The following FMNL2 variants were observed in gnomAD, a reference collection of about 807,000 sequenced individuals.
FMNL2 encodes formin-like protein 2.
FMNL2 carries 51 observed loss-of-function variants against 130.2 expected under a neutral mutation model. The ratio of observed to expected loss-of-function variants is 0.39; its 90% CI spans 0.31 to 0.49. The LOEUF (loss-of-function observed/expected upper bound fraction) is 0.49, where lower values mean the gene tolerates loss of function less well. Ranked by LOEUF, FMNL2 falls within the 20% of genes least tolerant of loss-of-function variation. The pLI is 0.85. For synonymous variants in FMNL2, 465 were observed against 467.1 expected, an observed-to-expected ratio of 1.00 and a Z score of 0.06; for missense variants, 977 against 1,316.2, an observed-to-expected ratio of 0.74 and a Z score of 3.99.
intron 1 of FMNL2, among the ~76,000 whole-genome samples, chr2:152,444,116 TA>T: frequency 6.6e-6 from 1 of 152,134 alleles, no homozygotes; most frequent in African/African-American, 2.4e-5. Flanking sequence ...ACTGACTATT[TA>T]AGCAGTAAGT....
At chr2:152,458,835 A>G (rs1272187586) in intron 1 of FMNL2, among the ~76,000 whole-genome samples, 1 of 152,186 alleles carries the variant, frequency 6.6e-6, no homozygotes. Flanking sequence ...GGTGGAGGTT[A>G]TTATATTTCT....
At chr2:152,468,433 GAAC>G (rs1457781300) in intron 1 of FMNL2, among the ~76,000 whole-genome samples, 1 of 152,036 alleles carries the variant, frequency 6.6e-6, no homozygotes, top group Non-Finnish European at 1.5e-5. Context: ...TCTGTATTTG[GAAC>G]AACTTGGGTA....
chr2:152,436,667 C>T (rs780578957), intron 1 of FMNL2, among the ~76,000 whole-genome samples: 2 of 152,116 alleles, frequency 1.3e-5, no homozygotes. Context: ...TCCATTTTGC[C>T]ACCTTTGCCT....
chr2:152,469,960 C>T (rs1689766729), intron 1 of FMNL2, among the ~76,000 whole-genome samples: 2 of 152,114 alleles, frequency 1.3e-5, no homozygotes, highest in Admixed American at 1.3e-4. Context: ...AACTGAAACA[C>T]TGCATTTATT....
At chr2:152,507,511 A>G (rs1000597497) in intron 1 of FMNL2, among the ~76,000 whole-genome samples, 1 of 152,210 alleles carries the variant, frequency 6.6e-6, no homozygotes, top group East Asian at 1.9e-4. Context: ...AGCTTCTTCT[A>G]TCAGGCTCCT....
chr2:152,550,025 T>A (rs1694849480), intron 4 of FMNL2, among the ~76,000 whole-genome samples: 2 of 152,232 alleles, frequency 1.3e-5, no homozygotes, highest in African/African-American at 4.8e-5. Flanking sequence ...TGCTGTAACA[T>A]ACAGTAAGTT....
chr2:152,401,054 G>A (rs1685666815), intron 1 of FMNL2, among the ~76,000 whole-genome samples: 1 of 152,200 alleles, frequency 6.6e-6, no homozygotes, highest in African/African-American at 2.4e-5. Flanking sequence ...ATTATCCTGT[G>A]AAACAGTTTC....
intron 9 of FMNL2, among the ~76,000 whole-genome samples, chr2:152,582,363 C>T (rs377550671): frequency 1.4e-4 from 21 of 152,246 alleles, no homozygotes; most frequent in African/African-American, 5.1e-4. Flanking sequence ...TGGGAAGCTT[C>T]AAAGATGTGA....
At chr2:152,516,132 T>G (rs1342082231) in intron 1 of FMNL2, among the ~76,000 whole-genome samples, 1 of 152,144 alleles carries the variant, frequency 6.6e-6, no homozygotes, top group East Asian at 1.9e-4. Context: ...CGACAAGTAA[T>G]GGCTCCGGGG....
intron 1 of FMNL2, among the ~76,000 whole-genome samples, chr2:152,371,297 T>C (rs1683858881): frequency 1.3e-5 from 2 of 152,210 alleles, no homozygotes; most frequent in South Asian, 2.1e-4. Context: ...GGACACTTGA[T>C]TGGCTTTTTA....
chr2:152,520,173 A>T (rs1026563133), intron 1 of FMNL2, among the ~76,000 whole-genome samples: 1 of 152,218 alleles, frequency 6.6e-6, no homozygotes, highest in Non-Finnish European at 1.5e-5. Context: ...GACAGGCCAT[A>T]TGAAAACATT....
rs1579837547 is a variant in FMNL2 at position 152,507,076 on chromosome 2, A to G, written c.118-14867A>G. Reference sequence around the variant, plus strand: ...TGCGTGACTCAGGGTAGAAACTTGAACCACCTCAGGCTAGTGGCTTGTGCG... The same window carrying G: ...TGCGTGACTCAGGGTAGAAACTTGAGCCACCTCAGGCTAGTGGCTTGTGCG... On this transcript the variant is annotated intron_variant, in intron 1 of 25. Coordinates refer to ENST00000288670, the MANE Select transcript of FMNL2 (RefSeq NM_052905.4). 2.0e-5 allele frequency among the ~76,000 whole-genome samples: 3 copies of G among 152,318 alleles called. No homozygotes were observed. In the East Asian group the frequency reaches 5.8e-4, roughly 29 times the overall value.
chr2:152,548,972 A>G (rs1189868876), intron 3 of FMNL2, 49 bp from the exon 4 acceptor site: 2 of 1,389,120 alleles, frequency 1.4e-6, no homozygotes, highest in Non-Finnish European at 2.0e-6. Context: ...AGCTTCAGTT[A>G]TAGCAGTTGC....
chr2:152,621,573 C>G (rs1292571714), intron 15 of FMNL2, among the ~76,000 whole-genome samples: 1 of 152,136 alleles, frequency 6.6e-6, no homozygotes, highest in Non-Finnish European at 1.5e-5. Flanking sequence ...GGTGGGAATA[C>G]AGGAACTCTT....
At chr2:152,487,881 G>C (rs761642147) in intron 1 of FMNL2, among the ~76,000 whole-genome samples, 2 of 151,626 alleles carry the variant, frequency 1.3e-5, no homozygotes, top group Non-Finnish European at 2.9e-5. Flanking sequence ...TCCATCTCCT[G>C]GGTTCAAGTG....
chr2:152,553,128 T>A (rs1695028248), intron 4 of FMNL2, among the ~76,000 whole-genome samples: 1 of 152,176 alleles, frequency 6.6e-6, no homozygotes. Flanking sequence ...TCTTCTCTCC[T>A]GCCCACCAGA....
chr2:152,367,784 T>C (rs923649871), intron 1 of FMNL2, among the ~76,000 whole-genome samples: 1 of 152,220 alleles, frequency 6.6e-6, no homozygotes, highest in African/African-American at 2.4e-5. Flanking sequence ...GAGAAGGGCT[T>C]ATAGGATTTG....
chr2:152,533,180 C>T (rs765401187), intron 2 of FMNL2, among the ~76,000 whole-genome samples: 2 of 152,048 alleles, frequency 1.3e-5, no homozygotes. Context: ...ATGTTTTCTT[C>T]TGGAAATTTT....
chr2:152,648,720 T>TATC lies in FMNL2; in HGVS notation c.*817_*819dup, dbSNP rs1553496436. On this transcript the variant is annotated 3_prime_UTR_variant, in exon 26 of 26. Transcript: ENST00000288670. Reference sequence around the variant, plus strand: ...GCCTTGCAAGGAAGTTTACTAGCTCTATCAACAAGCATTCAAGGTTACATC... The same window carrying TATC: ...GCCTTGCAAGGAAGTTTACTAGCTCTATCATCAACAAGCATTCAAGGTTACATC... The TATC allele has an allele frequency of 1.3e-5, 2 of 152,654 alleles. No homozygotes were observed. The highest frequency in any genetic ancestry group is 4.8e-5 in the African/African-American group (2 of 41,466). The allele number at this position is 152,654 out of a possible 1,614,324, so 9.5% of individuals were successfully genotyped here.
Sources: allele counts gnomAD v4.1 joint callset (sites outside exome capture counted in the v4.1 genomes callset), GRCh38; gene constraint gnomAD v4.1.1; transcripts MANE v1.5; gene names NCBI Gene and HGNC (gene_info 2026-07-23, HGNC 2026-07-21).